The following DNAH9 variants were observed in gnomAD, a reference collection of about 807,000 sequenced individuals.
DNAH9 encodes the protein DNAH9 variant protein.
Under a neutral mutation model 471.6 loss-of-function variants are expected in DNAH9, and 345 were observed. The observed-to-expected ratio is 0.73, with a 90% CI of 0.67 to 0.80. The LOEUF is 0.80. DNAH9 is among the 30% of genes least tolerant of loss of function. The pLI, the probability that DNAH9 is intolerant of heterozygous loss-of-function variation, is 0.00. For missense variants in DNAH9, 5,407 were observed against 5,609.2 expected, an observed-to-expected ratio of 0.96 and a Z score of 1.15; for synonymous variants, 2,093 against 2,123.6, an observed-to-expected ratio of 0.99 and a Z score of 0.40.
intron 61 of DNAH9, among the ~76,000 whole-genome samples, chr17:11,923,370 G>GCCTGGCTATTTTAAACTTTTTTCAA (rs1974203909): frequency 6.6e-6 from 1 of 151,960 alleles, no homozygotes; most frequent in East Asian, 1.9e-4. Context: ...GTGAGCCAGT[G>GCCTGGCTATTTTAAACTTTTTTCAA]GCGCAATCTC....
At chr17:11,799,874 T>G (rs541811397) in intron 43 of DNAH9, among the ~76,000 whole-genome samples, 76 of 152,236 alleles carry the variant, frequency 5.0e-4, no homozygotes, top group African/African-American at 1.8e-3. Context: ...CCTGAGCCAC[T>G]GCGCCCAGCC....
chr17:11,694,412 T>C lies in DNAH9; in HGVS notation c.4837T>C (p.Leu1613=). 1 of 1,613,130 alleles carries C rather than the reference T, an allele frequency of 6.2e-7. No individual in the cohort carries two copies. The highest frequency in any genetic ancestry group is 1.1e-5 in the South Asian group (1 of 90,988). The part of the protein sequence containing the change: ...RFYFLSSSDL[L]DILSNGTAPQ... The stretch of plus-strand genomic sequence containing the variant: ...TTACTTTCTCTCCTCCTCCGATCTG[T>C]TAGACATCCTTTCCAACGGCACAGC... Residue 1613 remains leucine (L), a synonymous_variant, in exon 22 of 69, where the codon TTA becomes CTA. Transcript: ENST00000262442.
intron 43 of DNAH9, among the ~76,000 whole-genome samples, chr17:11,804,030 G>A (rs556833888): frequency 6.6e-6 from 1 of 152,294 alleles, no homozygotes; most frequent in East Asian, 1.9e-4. Context: ...ATAAGGCATG[G>A]GTTGTTCTGT....
intron 48 of DNAH9, among the ~76,000 whole-genome samples, chr17:11,826,585 A>G (rs112141796): frequency 0.16 from 24,475 of 148,810 alleles, 2,288 homozygotes; most frequent in African/African-American, 0.26. Flanking sequence ...CTCACTCCCA[A>G]GTAGCTGGGA....
chr17:11,631,295 T>C (rs975976687), intron 7 of DNAH9, among the ~76,000 whole-genome samples: 8 of 152,066 alleles, frequency 5.3e-5, no homozygotes, highest in African/African-American at 1.9e-4. Flanking sequence ...TTTAAGAGTG[T>C]GTGCGGGAAA....
chr17:11,758,986 G>GCTAAAA (rs1967526637), intron 35 of DNAH9, among the ~76,000 whole-genome samples: 1 of 152,050 alleles, frequency 6.6e-6, no homozygotes, highest in African/African-American at 2.4e-5. Flanking sequence ...AAAAAGTCTG[G>GCTAAAA]AAGTGGAAAA....
chr17:11,931,143 T>A (rs1448723498), intron 63 of DNAH9, among the ~76,000 whole-genome samples: 1 of 152,236 alleles, frequency 6.6e-6, no homozygotes, highest in African/African-American at 2.4e-5. Flanking sequence ...CCCAAAGGCC[T>A]GAATTGTAGC....
At chr17:11,772,246 TATTAAA>T (rs1440375287) in intron 38 of DNAH9, among the ~76,000 whole-genome samples, 1 of 152,016 alleles carries the variant, frequency 6.6e-6, no homozygotes, top group East Asian at 1.9e-4. Context: ...ATTCTAAAAT[TATTAAA>T]ATTAATAATC....
intron 36 of DNAH9, among the ~76,000 whole-genome samples, 181 bp from the exon 37 acceptor site, chr17:11,768,272 G>T (rs1968050738): frequency 1.3e-5 from 2 of 152,196 alleles, no homozygotes; most frequent in Non-Finnish European, 2.9e-5. Context: ...GCGTAGTCCG[G>T]CTTGGTCAGG....
At chr17:11,894,699 T>A (rs934964583) in intron 59 of DNAH9, among the ~76,000 whole-genome samples, 1 of 152,180 alleles carries the variant, frequency 6.6e-6, no homozygotes, top group Non-Finnish European at 1.5e-5. Context: ...CATGCTGGTG[T>A]ATGAGGGCTC....
chr17:11,897,859 A>G (rs561846837), intron 59 of DNAH9, among the ~76,000 whole-genome samples: 6 of 152,342 alleles, frequency 3.9e-5, no homozygotes, highest in Non-Finnish European at 7.4e-5. Context: ...AAGTACTACA[A>G]TGGAGTGGCT....
intron 59 of DNAH9, among the ~76,000 whole-genome samples, chr17:11,896,823 G>C (rs1023926795): frequency 2.0e-5 from 3 of 152,188 alleles, no homozygotes; most frequent in African/African-American, 7.2e-5. Context: ...GGGCACGGTG[G>C]CTCACGTCTG....
At chr17:11,779,178 A>G (rs1162474557) in intron 38 of DNAH9, among the ~76,000 whole-genome samples, 1 of 152,122 alleles carries the variant, frequency 6.6e-6, no homozygotes, top group Non-Finnish European at 1.5e-5. Context: ...CAGAATGTAC[A>G]GACGACCTTG....
At chr17:11,899,746 T>C (rs994816101) in intron 59 of DNAH9, among the ~76,000 whole-genome samples, 2 of 152,086 alleles carry the variant, frequency 1.3e-5, no homozygotes, top group African/African-American at 4.8e-5. Context: ...TGAAAGAAGA[T>C]GAAAGTCAGC....
In DNAH9 at chr17:11,610,482, G is replaced by A. The variant is rs1357212853; in HGVS notation, c.701G>A (p.Arg234Lys). ...WSYQVQVVLKRESSQPLLQGE... is the reference protein window; with the variant it reads ...WSYQVQVVLKKESSQPLLQGE... ...TACCAAGTCCAGGTGGTACTCAAGA[G>A]AGAGTCTTCCCAGCCACTCTTACAA... is the stretch of plus-strand genomic sequence containing the variant. The change falls in exon 3 of 69, where the codon AGA becomes AAA. Residue 234 changes from arginine (R) to lysine (K), a missense_variant. Arg to Lys is a conservative substitution (Grantham distance 26). This residue lies in a region of DNAH9 where 767 missense variants were observed against 692.5 expected (regional missense o/e 1.11). Coordinates refer to ENST00000262442, the MANE Select transcript of DNAH9 (RefSeq NM_001372.4). 1.2e-6 allele frequency: 2 copies of A among 1,613,792 alleles called. No homozygotes were observed. The highest frequency in any genetic ancestry group is 1.1e-5 in the South Asian group (1 of 91,072).
chr17:11,922,415 C>T (rs563174672), intron 61 of DNAH9, among the ~76,000 whole-genome samples: 55 of 152,004 alleles, frequency 3.6e-4, no homozygotes, highest in African/African-American at 1.3e-3. Flanking sequence ...TTTTATGATC[C>T]TTTTATCTAA....
chr17:11,721,119 T>C lies in DNAH9; in HGVS notation c.5709+1629T>C, dbSNP rs201268377. The stretch of plus-strand genomic sequence containing the variant: ...AGCCAGATTTCTTCAAAGTCATACC[T>C]AGAATAGCAAGCAGGAAATGGTGAG... On this transcript the variant is annotated intron_variant, in intron 27 of 68. Transcript: ENST00000262442. Among the ~76,000 whole-genome samples, 16 of 152,266 alleles carry C rather than the reference T, an allele frequency of 1.1e-4. No homozygotes were observed. The East Asian group carries it at 1.2e-3, about 11-fold the overall frequency.
intron 50 of DNAH9, among the ~76,000 whole-genome samples, chr17:11,860,012 A>G (rs941028144): frequency 7.2e-5 from 11 of 152,206 alleles, no homozygotes; most frequent in Non-Finnish European, 7.3e-5. Context: ...ATTACTGCTT[A>G]TCATTACTTT....
chr17:11,911,098 A>G (rs1298889093), intron 61 of DNAH9, among the ~76,000 whole-genome samples: 1 of 152,198 alleles, frequency 6.6e-6, no homozygotes, highest in Non-Finnish European at 1.5e-5. Context: ...TACTATATTT[A>G]TAAAACGATT....
Sources: gnomAD v4.1 joint callset for allele counts (sites outside exome capture counted in the v4.1 genomes callset) on GRCh38, gnomAD v4.1.1 for gene constraint, gnomAD v4.1.1 regional missense constraint, MANE v1.5 for transcripts, NCBI Gene and HGNC (gene_info 2026-07-23, HGNC 2026-07-21) for gene names.